PPARGC1A: variants seen among roughly 807,000 people sequenced by gnomAD.
The protein encoded by PPARGC1A is peroxisome proliferator-activated receptor gamma coactivator 1-alpha.
A neutral mutation model predicts 88.7 loss-of-function variants in PPARGC1A; 25 were observed. The ratio of observed to expected loss-of-function variants is 0.28; its 90% CI spans 0.21 to 0.39. The LOEUF is 0.39. Among genes scored for constraint, PPARGC1A ranks in the 10% least tolerant of loss-of-function variants. PPARGC1A has a pLI of 1.00. For synonymous variants in PPARGC1A, 363 were observed against 355.6 expected (o/e 1.02, Z -0.24); for missense variants, 880 against 968.7 (o/e 0.91, Z 1.22).
chr4:24,037,405 C>T, the PPARGC1A span, among the ~76,000 whole-genome samples: 1 of 152,176 alleles, frequency 6.6e-6, no homozygotes, highest in Admixed American at 6.5e-5. Flanking sequence ...TAGCTACCTT[C>T]TTCCCGAGCT....
At chr4:24,323,340 C>A in the PPARGC1A span, among the ~76,000 whole-genome samples, 22 of 152,352 alleles carry the variant, frequency 1.4e-4, no homozygotes, top group African/African-American at 4.6e-4. Flanking sequence ...TGCACATATA[C>A]GCCCAGATGG....
At chr4:23,834,751 T>C (rs1248824934) in intron 2 of PPARGC1A, among the ~76,000 whole-genome samples, 5 of 152,166 alleles carry the variant, frequency 3.3e-5, no homozygotes, top group African/African-American at 1.2e-4. Flanking sequence ...ATTCCTTATT[T>C]TCTGCCCAGG....
the PPARGC1A span, among the ~76,000 whole-genome samples, chr4:24,355,194 G>A: frequency 0.19 from 28,180 of 152,070 alleles, 2,735 homozygotes; most frequent in South Asian, 0.22. Context: ...GAACCAAACC[G>A]ATTTTAAAAG....
chr4:23,857,690 A>G (rs1381547844), intron 2 of PPARGC1A, among the ~76,000 whole-genome samples: 1 of 151,850 alleles, frequency 6.6e-6, no homozygotes, highest in African/African-American at 2.4e-5. Context: ...TTCCTTTCAC[A>G]GAATTATCCC....
the PPARGC1A span, among the ~76,000 whole-genome samples, chr4:24,352,247 G>T: frequency 6.6e-6 from 1 of 152,090 alleles, no homozygotes; most frequent in Non-Finnish European, 1.5e-5. Flanking sequence ...GAAGAACAAG[G>T]TGCAAGCTGG....
chr4:24,113,243 G>C, the PPARGC1A span, among the ~76,000 whole-genome samples: 2 of 152,020 alleles, frequency 1.3e-5, no homozygotes, highest in Non-Finnish European at 2.9e-5. Flanking sequence ...TGCTTCACAC[G>C]TTCAGTAGGT....
intron 7 of PPARGC1A, among the ~76,000 whole-genome samples, chr4:23,818,354 GCAGAATGTAATTCAGACTATAGC>G: frequency 6.6e-6 from 1 of 152,288 alleles, no homozygotes; most frequent in South Asian, 2.1e-4. Flanking sequence ...GCAGCTCGGT[GCAGAATGTAATTCAGACTATAGC>G]TTTTTTATTG....
At chr4:23,921,524 T>C in the PPARGC1A span, among the ~76,000 whole-genome samples, 3 of 152,222 alleles carry the variant, frequency 2.0e-5, no homozygotes, top group Non-Finnish European at 4.4e-5. Flanking sequence ...CAGCTCATCA[T>C]GTAAAGCCCC....
At chr4:24,422,278 AG>A in the PPARGC1A span, among the ~76,000 whole-genome samples, 1 of 152,268 alleles carries the variant, frequency 6.6e-6, no homozygotes, top group Admixed American at 6.5e-5. Context: ...CCTTTACAAA[AG>A]AAAAGTTTGC....
the PPARGC1A span, among the ~76,000 whole-genome samples, chr4:23,967,457 G>T: frequency 6.6e-6 from 1 of 152,160 alleles, no homozygotes; most frequent in East Asian, 1.9e-4. Context: ...GCAGACGCAT[G>T]CAGACAACAG....
At chr4:23,952,629 C>T in the PPARGC1A span, among the ~76,000 whole-genome samples, 143 of 151,880 alleles carry the variant, frequency 9.4e-4, no homozygotes, top group Non-Finnish European at 1.5e-3. Flanking sequence ...TTAGGGGGCC[C>T]GAAACTTGTA....
intron 12 of PPARGC1A, among the ~76,000 whole-genome samples, chr4:23,799,271 A>G (rs1718206034): frequency 6.6e-6 from 1 of 152,152 alleles, no homozygotes; most frequent in Non-Finnish European, 1.5e-5. Context: ...CGATTCTTCC[A>G]TTTTAAAACG....
the PPARGC1A span, among the ~76,000 whole-genome samples, chr4:24,205,937 A>C: frequency 6.6e-6 from 1 of 152,210 alleles, no homozygotes. Flanking sequence ...GGTTTGGAGG[A>C]AGCAAACTTT....
chr4:23,927,835 T>C, the PPARGC1A span, among the ~76,000 whole-genome samples: 10 of 152,168 alleles, frequency 6.6e-5, no homozygotes, highest in Non-Finnish European at 1.3e-4. Flanking sequence ...TCCTACATCA[T>C]GGAACAGAAT....
chr4:23,865,671 C>T (rs1024174398), intron 2 of PPARGC1A, among the ~76,000 whole-genome samples: 35 of 152,118 alleles, frequency 2.3e-4, no homozygotes, highest in Admixed American at 9.8e-4. Flanking sequence ...CACCTCTTAC[C>T]GCACCTGGCA....
the PPARGC1A span, among the ~76,000 whole-genome samples, chr4:24,148,039 A>C: frequency 6.6e-6 from 1 of 152,190 alleles, no homozygotes; most frequent in African/African-American, 2.4e-5. Flanking sequence ...TTGAAAATCC[A>C]GTCCCCAGTT....
intron 2 of PPARGC1A, among the ~76,000 whole-genome samples, chr4:23,876,902 G>C (rs1354918235): frequency 2.6e-5 from 4 of 152,130 alleles, no homozygotes; most frequent in Non-Finnish European, 5.9e-5. Context: ...CCATCTGGCT[G>C]CAAACCTTGA....
the PPARGC1A span, among the ~76,000 whole-genome samples, chr4:23,964,431 C>A: frequency 6.6e-6 from 1 of 152,140 alleles, no homozygotes; most frequent in African/African-American, 2.4e-5. Context: ...AAGGGATGAC[C>A]TAGGCTGGCT....
the PPARGC1A span, among the ~76,000 whole-genome samples, chr4:24,349,886 C>A: frequency 6.6e-6 from 1 of 152,212 alleles, no homozygotes; most frequent in Non-Finnish European, 1.5e-5. Context: ...TGGAGTTTTA[C>A]CCCCTGCCCC....
Sources: allele counts gnomAD v4.1 joint callset (sites outside exome capture counted in the v4.1 genomes callset), GRCh38; gene constraint gnomAD v4.1.1; transcripts MANE v1.5; gene names NCBI Gene and HGNC (gene_info 2026-07-23, HGNC 2026-07-21).